The following TFDP2 variants were observed in gnomAD, a reference collection of about 807,000 sequenced individuals.
TFDP2 encodes transcription factor Dp-2, also known as transcription factor Dp-2 (E2F dimerization partner 2).
A neutral mutation model predicts 59.3 loss-of-function variants in TFDP2; 17 were observed. The observed-to-expected ratio is 0.29, with a 90% CI of 0.20 to 0.43. The LOEUF (loss-of-function observed/expected upper bound fraction) is 0.43, where lower values mean the gene tolerates loss of function less well. TFDP2 is among the 20% of genes least tolerant of loss of function. TFDP2 has a pLI of 1.00. For synonymous variants in TFDP2, 180 were observed against 194.7 expected (o/e 0.92, Z 0.63); for missense variants, 391 against 528.8 (o/e 0.74, Z 2.56).
At chr3:142,143,051 C>G (rs1268162165) in intron 1 of TFDP2, among the ~76,000 whole-genome samples, 8 of 152,190 alleles carry the variant, frequency 5.3e-5, no homozygotes, top group Admixed American at 5.2e-4. Context: ...GTCTGGCCAA[C>G]ATGGTGAAAC....
chr3:142,030,774 G>C (rs1285060826), intron 3 of TFDP2, among the ~76,000 whole-genome samples: 1 of 122,610 alleles, frequency 8.2e-6, no homozygotes, highest in Admixed American at 1.1e-4. Context: ...ACGGAGTCTC[G>C]CTCTGTCGCC....
At chr3:142,068,442 A>C (rs950265361) in intron 3 of TFDP2, among the ~76,000 whole-genome samples, 17 of 152,214 alleles carry the variant, frequency 1.1e-4, no homozygotes, top group African/African-American at 4.1e-4. Flanking sequence ...ATTAAAATTA[A>C]AAATTTCTCC....
Position 141,947,386 on chromosome 3 carries a change from A to G in TFDP2, c.*5127T>C, listed in dbSNP as rs1935364246. 6.6e-6 allele frequency: 1 copy of G among 152,120 alleles called. No homozygotes were observed. The highest frequency in any genetic ancestry group is 1.5e-5 in the Non-Finnish European group (1 of 68,048). 9.4% of individuals were successfully genotyped at this position (152,120 alleles called of 1,614,324 possible). A position where few individuals can be genotyped will look rare whatever the true frequency, so the allele number is the denominator to read the frequency against. On this transcript the variant is annotated 3_prime_UTR_variant, in exon 13 of 13. Transcript: ENST00000489671. ...CCAACAACTTAGAAACACGTAAAAT[A>G]GTTCTCAATTTCTAATCATTTTTCT...
chr3:141,962,422 A>C (rs1007182864), intron 10 of TFDP2, among the ~76,000 whole-genome samples: 1 of 151,022 alleles, frequency 6.6e-6, no homozygotes, highest in Non-Finnish European at 1.5e-5. Flanking sequence ...GTAGTGGCAC[A>C]ATCTCGGTTC....
intron 10 of TFDP2, among the ~76,000 whole-genome samples, chr3:141,961,961 TG>T (rs910633138): frequency 2.0e-5 from 3 of 151,632 alleles, no homozygotes; most frequent in Admixed American, 6.6e-5. Context: ...ACTCTTTTTT[TG>T]GGGGGGACGG....
chr3:142,101,635 G>T (rs2061322234), intron 2 of TFDP2, 100 bp downstream of exon 2: 1 of 737,530 alleles, frequency 1.4e-6, no homozygotes, highest in Non-Finnish European at 2.0e-6. Context: ...ATCCATGCAA[G>T]TAAATTAAAT....
chr3:142,057,832 T>C (rs766696625), intron 3 of TFDP2, among the ~76,000 whole-genome samples: 53 of 152,328 alleles, frequency 3.5e-4, no homozygotes, highest in Non-Finnish European at 5.7e-4. Flanking sequence ...GTGCCCGGAT[T>C]CAGTTCCTTG....
rs532445394 is a variant in TFDP2 at position 142,069,772 on chromosome 3, T to G, written c.82+23289A>C. 2.7e-3 allele frequency among the ~76,000 whole-genome samples: 403 copies of G among 151,882 alleles called. 2 individuals carry two copies. Among genetic ancestry groups the G allele is most frequent in the Non-Finnish European group, 4.3e-3 (293 of 67,960 alleles). ...ACAGGCATCCACCACCATGCCTGGC[T>G]AATTTTTTGTATTTTTAGTAGAGAC... On this transcript the variant is annotated intron_variant, in intron 3 of 12. Coordinates refer to ENST00000489671, the MANE Select transcript of TFDP2 (RefSeq NM_001178139.2).
At chr3:141,953,074 G>T in intron 11 of TFDP2, 58 bp from the exon 12 acceptor site, 1 of 1,246,626 alleles carries the variant, frequency 8.0e-7, no homozygotes. Context: ...GGCTGCTGTT[G>T]TTACAGTCTG....
chr3:142,051,181 C>A (rs1004744203), intron 3 of TFDP2, among the ~76,000 whole-genome samples: 4 of 152,132 alleles, frequency 2.6e-5, no homozygotes, highest in African/African-American at 9.7e-5. Context: ...TCTTTAGCAC[C>A]ATCCCTGGCC....
At chr3:142,106,758 C>T (rs2061486160) in intron 1 of TFDP2, among the ~76,000 whole-genome samples, 1 of 152,216 alleles carries the variant, frequency 6.6e-6, no homozygotes, top group Non-Finnish European at 1.5e-5. Flanking sequence ...TTTGACCTCG[C>T]CATCTGCCAT....
rs563299978 is a variant in TFDP2, at chr3:142,077,656, C to A, written c.82+15405G>T. On this transcript the variant is annotated intron_variant, in intron 3 of 12. Coordinates refer to ENST00000489671, the MANE Select transcript of TFDP2 (RefSeq NM_001178139.2). ...ACCTGCTGACTAAAGAGCTCTTGGG[C>A]CCTGAATAATCAGTAGCAGTAGACA... 4.6e-5 allele frequency among the ~76,000 whole-genome samples: 7 copies of A among 152,186 alleles called. No individual in the cohort carries two copies. The South Asian group carries it at 1.5e-3, about 32-fold the overall frequency.
At chr3:142,085,410 C>T in intron 3 of TFDP2, among the ~76,000 whole-genome samples, 1 of 151,520 alleles carries the variant, frequency 6.6e-6, no homozygotes, top group East Asian at 1.9e-4. Flanking sequence ...TATGTACCCA[C>T]AAAAAATTTT....
In TFDP2 at chr3:141,974,076, T is replaced by A; in HGVS notation, c.635A>T (p.Asn212Ile). Reference sequence around the variant, plus strand: ...CAGATTCTGACATTCCTGAGCAGAATTGGTAGGCAGGCCAATCCACTTGAT... The same window carrying A: ...CAGATTCTGACATTCCTGAGCAGAAATGGTAGGCAGGCCAATCCACTTGAT... ...KEIKWIGLPT[N>I]SAQECQNLEI... is the part of the protein sequence containing the mutation. Residue 212 changes from asparagine to isoleucine, a missense_variant, in exon 8 of 13, where the codon AAT becomes ATT. Transcript: ENST00000489671. The A allele has an allele frequency of 6.2e-7, 1 of 1,612,370 alleles. No individual in the cohort carries two copies. Among genetic ancestry groups the A allele is most frequent in the Non-Finnish European group, 8.5e-7 (1 of 1,179,414 alleles).
chr3:142,049,087 TGAGA>T (rs1576836004), intron 3 of TFDP2, among the ~76,000 whole-genome samples: 1 of 152,098 alleles, frequency 6.6e-6, no homozygotes, highest in Non-Finnish European at 1.5e-5. Flanking sequence ...CTGAAAATAG[TGAGA>T]GAAAGTAAGA....
rs1947528136 is a variant in TFDP2 at position 142,049,970 on chromosome 3, A to G, written c.82+43091T>C. On this transcript the variant is annotated intron_variant, in intron 3 of 12. Transcript: ENST00000489671. ...ATTAATGGAGAGAAAAAACATGTTT[A>G]TAAATCAGAAGATTCAGGCTGGGTG... 1.3e-5 allele frequency among the ~76,000 whole-genome samples: 2 copies of G among 152,194 alleles called. 1 individual carries two copies. Among genetic ancestry groups the G allele is most frequent in the South Asian group, 4.1e-4 (2 of 4,836 alleles).
At chr3:142,061,889 T>TACAC (rs71153939) in intron 3 of TFDP2, among the ~76,000 whole-genome samples, 31 of 79,954 alleles carry the variant, frequency 3.9e-4, no homozygotes, top group East Asian at 7.8e-4. Context: ...TCTCTCTCTC[T>TACAC]ACACACACAC....
At chr3:142,131,771 C>T (rs1233400644) in intron 1 of TFDP2, among the ~76,000 whole-genome samples, 1 of 149,780 alleles carries the variant, frequency 6.7e-6, no homozygotes, top group Non-Finnish European at 1.5e-5. Context: ...TTTGAGAGGC[C>T]GAGGCGGGCA....
chr3:141,947,232 T>A lies in TFDP2; in HGVS notation c.*5281A>T, dbSNP rs1160859208. On this transcript the variant is annotated 3_prime_UTR_variant, in exon 13 of 13. Coordinates refer to ENST00000489671, the MANE Select transcript of TFDP2 (RefSeq NM_001178139.2). ...GGAAATGCATATTAGTTTTCATCAGTGCTTGGGGACCATTGCTTTGGGTGC... is the reference window on the plus strand; with the variant it reads ...GGAAATGCATATTAGTTTTCATCAGAGCTTGGGGACCATTGCTTTGGGTGC... The A allele has an allele frequency of 6.6e-6, 1 of 152,144 alleles. No individual in the cohort carries two copies. The highest frequency in any genetic ancestry group is 1.5e-5 in the Non-Finnish European group (1 of 68,046). 9.4% of individuals were successfully genotyped at this position (152,144 alleles called of 1,614,324 possible).
Sources: allele counts gnomAD v4.1 joint callset (sites outside exome capture counted in the v4.1 genomes callset), GRCh38; gene constraint gnomAD v4.1.1; transcripts MANE v1.5; gene names NCBI Gene and HGNC (gene_info 2026-07-23, HGNC 2026-07-21).